Variants in CHD9 observed in about 807,000 individuals in gnomAD.
CHD9 encodes the protein chromodomain helicase DNA binding protein 9.
CHD9 carries 77 observed loss-of-function variants against 316.1 expected under a neutral mutation model. The observed-to-expected ratio is 0.24, with a 90% CI of 0.20 to 0.29. CHD9 has a LOEUF of 0.29. CHD9 is among the 10% of genes least tolerant of loss of function. The pLI is 1.00. For synonymous variants in CHD9, 1,129 were observed against 1,158.3 expected (o/e 0.97, Z 0.51); for missense variants, 2,763 against 3,438.1 (o/e 0.80, Z 4.91).
At chr16:53,257,018 G>GA (rs989205919) in intron 19 of CHD9, among the ~76,000 whole-genome samples, 1 of 151,644 alleles carries the variant, frequency 6.6e-6, no homozygotes, top group East Asian at 1.9e-4. Flanking sequence ...TATAGTTGCT[G>GA]AAAAAAAATA....
intron 1 of CHD9, among the ~76,000 whole-genome samples, chr16:53,082,230 T>G (rs1457662896): frequency 6.6e-6 from 1 of 151,140 alleles, no homozygotes; most frequent in African/African-American, 2.4e-5. Flanking sequence ...ATTTATTTAT[T>G]TATTTATTTA....
chr16:53,274,417 G>A (rs1220798228), intron 24 of CHD9, 115 bp downstream of exon 24: 3 of 540,336 alleles, frequency 5.6e-6, no homozygotes, highest in Non-Finnish European at 9.8e-6. Context: ...TCGCACTGTA[G>A]GCACACCACC....
At chr16:53,158,876 G>A (rs933161206) in intron 2 of CHD9, among the ~76,000 whole-genome samples, 1 of 152,022 alleles carries the variant, frequency 6.6e-6, no homozygotes, top group African/African-American at 2.4e-5. Context: ...TACTCAACCA[G>A]TCCACTCTCC....
chr16:53,096,404 A>C (rs958155330), intron 1 of CHD9, among the ~76,000 whole-genome samples: 1 of 152,186 alleles, frequency 6.6e-6, no homozygotes, highest in East Asian at 1.9e-4. Flanking sequence ...TTTTTGCCAT[A>C]ACATTTATTG....
chr16:53,122,589 G>T (rs2038788440), intron 1 of CHD9, among the ~76,000 whole-genome samples: 1 of 148,714 alleles, frequency 6.7e-6, no homozygotes. Context: ...CTGTGGCCCA[G>T]GCTGGAGTAC....
intron 1 of CHD9, among the ~76,000 whole-genome samples, chr16:53,066,831 G>A (rs919192099): frequency 2.4e-4 from 36 of 152,226 alleles, no homozygotes; most frequent in African/African-American, 8.2e-4. Context: ...TGTGACTCAG[G>A]AATTTGTTTT....
chr16:53,253,242 A>G (rs2050280409), intron 17 of CHD9, among the ~76,000 whole-genome samples: 1 of 151,482 alleles, frequency 6.6e-6, no homozygotes, highest in South Asian at 2.1e-4. Flanking sequence ...ATATATATAT[A>G]TGATAGGATA....
intron 2 of CHD9, among the ~76,000 whole-genome samples, chr16:53,173,108 T>G (rs1383100853): frequency 6.6e-6 from 1 of 152,204 alleles, no homozygotes; most frequent in African/African-American, 2.4e-5. Context: ...TATGTTTTCA[T>G]GTAGAAGTTC....
intron 17 of CHD9, among the ~76,000 whole-genome samples, chr16:53,252,868 G>T (rs1469051082): frequency 1.3e-5 from 2 of 152,154 alleles, no homozygotes; most frequent in Non-Finnish European, 2.9e-5. Flanking sequence ...ACTCCTGCAA[G>T]AATGGCCATA....
chr16:53,191,249 T>C (rs2044458722), intron 2 of CHD9, among the ~76,000 whole-genome samples: 1 of 152,266 alleles, frequency 6.6e-6, no homozygotes, highest in South Asian at 2.1e-4. Context: ...ATTTTAAACA[T>C]TTATGTCTTC....
At chr16:53,239,328 T>C (rs556009132) in intron 12 of CHD9, among the ~76,000 whole-genome samples, 1 of 152,144 alleles carries the variant, frequency 6.6e-6, no homozygotes, top group African/African-American at 2.4e-5. Flanking sequence ...CTCACACTTA[T>C]AATCTTAACA....
rs1469470599 is a variant in CHD9, at chr16:53,245,284, A to G, written c.3055-52A>G. ...CATTCGATAATCTAAGTCAGCTTTC[A>G]TATAATTTTAGTACTGTGATGTTTG... On this transcript the variant is annotated intron_variant, in intron 13 of 38. Transcript: ENST00000447540. This position sits in a 1 kb window ranked among gnomAD's most constrained non-coding sequence, Gnocchi z 4.1. The G allele has an allele frequency of 4.3e-6, 6 of 1,384,868 alleles. No individual in the cohort carries two copies. The highest frequency in any genetic ancestry group is 5.7e-6 in the Non-Finnish European group (6 of 1,051,420). 85.8% of individuals were successfully genotyped at this position (1,384,868 alleles called of 1,614,324 possible).
At chr16:53,178,473 C>T (rs978473161) in intron 2 of CHD9, among the ~76,000 whole-genome samples, 12 of 145,406 alleles carry the variant, frequency 8.3e-5, no homozygotes, top group Non-Finnish European at 1.2e-4. Flanking sequence ...TGCTCTGTCA[C>T]CCAGGCTGGA....
At position 53,159,365 on chromosome 16, in the gene CHD9, C is replaced by T. The variant is rs143136017; in HGVS notation, c.1452+1824C>T. Among the ~76,000 whole-genome samples the T allele has an allele frequency of 6.6e-4, 101 of 152,022 alleles. No individual in the cohort carries two copies. The East Asian group carries it at 0.018, about 27-fold the overall frequency. On this transcript the variant is annotated intron_variant, in intron 2 of 38. Coordinates refer to ENST00000447540, the MANE Select transcript of CHD9 (RefSeq NM_001308319.2). ...TTTCCCTTACTTTCTACAATTTTGT[C>T]GTGAACATATTACTTTTATAATAAA...
At chr16:53,313,814 G>T (rs981294318) in intron 34 of CHD9, among the ~76,000 whole-genome samples, 1 of 151,780 alleles carries the variant, frequency 6.6e-6, no homozygotes, top group Non-Finnish European at 1.5e-5. Context: ...TTAGTTGGGC[G>T]TGGTGGTGGG....
At chr16:53,142,031 A>G (rs553830533) in intron 1 of CHD9, among the ~76,000 whole-genome samples, 1 of 152,332 alleles carries the variant, frequency 6.6e-6, no homozygotes, top group South Asian at 2.1e-4. Context: ...GGAATAAAAT[A>G]GGAAGTACAT....
intron 1 of CHD9, among the ~76,000 whole-genome samples, chr16:53,133,690 T>G (rs926282374): frequency 2.6e-5 from 4 of 152,154 alleles, no homozygotes; most frequent in South Asian, 2.1e-4. Context: ...CAGATATGAA[T>G]ACAGATAGAA....
intron 3 of CHD9, among the ~76,000 whole-genome samples, chr16:53,216,322 A>G (rs1050216068): frequency 6.6e-6 from 1 of 152,072 alleles, no homozygotes; most frequent in Non-Finnish European, 1.5e-5. Flanking sequence ...ATTTATGGCT[A>G]TCTGTTGTCA....
At chr16:53,067,123 G>A (rs1021720476) in intron 1 of CHD9, among the ~76,000 whole-genome samples, 1 of 152,048 alleles carries the variant, frequency 6.6e-6, no homozygotes, top group Non-Finnish European at 1.5e-5. Context: ...TTTTATTTAT[G>A]GTAGATATGG....
Sources: allele counts gnomAD v4.1 joint callset (sites outside exome capture counted in the v4.1 genomes callset), GRCh38; gene constraint gnomAD v4.1.1; non-coding constraint Gnocchi (gnomAD v3.1); transcripts MANE v1.5; gene names NCBI Gene and HGNC (gene_info 2026-07-23, HGNC 2026-07-21).